The following CEP350 variants were observed in gnomAD, a reference collection of about 807,000 sequenced individuals.
CEP350 encodes the protein centrosome-associated protein 350.
Under a neutral mutation model 331.8 loss-of-function variants are expected in CEP350, and 126 were observed. The ratio of observed to expected loss-of-function variants is 0.38; its 90% confidence interval spans 0.33 to 0.44. CEP350 has a LOEUF of 0.44. Ranked by LOEUF, CEP350 falls within the 20% of genes least tolerant of loss-of-function variation. The pLI is 1.00. For synonymous variants in CEP350, 1,200 were observed against 1,259.5 expected, an observed-to-expected ratio of 0.95 and a Z score of 1.00; for missense variants, 3,406 against 3,634.6, an observed-to-expected ratio of 0.94 and a Z score of 1.62.
At chr1:180,097,530 C>A (rs1006735835) in intron 36 of CEP350, among the ~76,000 whole-genome samples, 3 of 152,060 alleles carry the variant, frequency 2.0e-5, no homozygotes, top group Non-Finnish European at 4.4e-5. Context: ...TAAATGTGTC[C>A]CTTCCCCTGT....
At chr1:179,985,763 G>GC (rs869075644) in intron 1 of CEP350, among the ~76,000 whole-genome samples, 1 of 97,246 alleles carries the variant, frequency 1.0e-5, no homozygotes, top group Non-Finnish European at 2.6e-5. Context: ...AGGGGAAACT[G>GC]CCCCCCTGAT....
chr1:180,055,782 G>A (rs1198668562), intron 25 of CEP350, among the ~76,000 whole-genome samples: 1 of 151,834 alleles, frequency 6.6e-6, no homozygotes, highest in South Asian at 2.1e-4. Context: ...TCCTGACCTC[G>A]CGATCCGCCA....
At chr1:180,042,971 T>C (rs1452963679) in intron 19 of CEP350, 85 bp from the exon 20 acceptor site, 1 of 1,444,102 alleles carries the variant, frequency 6.9e-7, no homozygotes, top group African/African-American at 1.4e-5. Flanking sequence ...TCAGTGATCT[T>C]TCTTTCCAAG....
chr1:180,040,680 G>A (rs917526005), intron 17 of CEP350, among the ~76,000 whole-genome samples: 1 of 151,662 alleles, frequency 6.6e-6, no homozygotes, highest in Admixed American at 6.6e-5. Flanking sequence ...AACATTGTGT[G>A]GGATAGTGGT....
Position 180,092,918 on chromosome 1 carries a change from T to G in CEP350, c.6813T>G (p.Ile2271Met). ...ATACAAAATTGAAGAAGAGTAAGAT[T>G]GAAGATGCCTTTTCTAAAGAAGGTA... ...IEYTKLKKSK[I>M]EDAFSKEGKS... Residue 2271 changes from isoleucine to methionine, a missense_variant, in exon 34 of 38, where the codon ATT (isoleucine) becomes ATG (methionine). Coordinates refer to ENST00000367607, the MANE Select transcript of CEP350 (RefSeq NM_014810.5). 3.2e-6 allele frequency: 5 copies of G among 1,579,282 alleles called. No homozygotes were observed. The highest frequency in any genetic ancestry group is 4.3e-6 in the Non-Finnish European group (5 of 1,160,670).
Position 180,093,681 on chromosome 1 carries a change from T to C in CEP350, c.7576T>C (p.Trp2526Arg). 6.2e-7 allele frequency: 1 copy of C among 1,613,936 alleles called. No homozygotes were observed. Among genetic ancestry groups the C allele is most frequent in the Non-Finnish European group, 8.5e-7 (1 of 1,179,838 alleles). Reference protein sequence around the residue: ...KGETSFAKGFWAGVELDKPEG... With the variant: ...KGETSFAKGFRAGVELDKPEG... Reference sequence around the variant, plus strand: ...TGAGACTAGTTTTGCTAAAGGATTTTGGGCCGGAGTGGAGTTAGATAAACC... The same window carrying C: ...TGAGACTAGTTTTGCTAAAGGATTTCGGGCCGGAGTGGAGTTAGATAAACC... Residue 2526 changes from tryptophan to arginine, a missense_variant, in exon 34 of 38, where the codon TGG (tryptophan) becomes CGG (arginine). Physicochemically the swap from Trp to Arg is moderately radical, Grantham distance 101. This residue lies in a region of CEP350 where 1,415 missense variants were observed against 1,512.3 expected (regional missense o/e 0.94). Transcript: ENST00000367607.
chr1:180,009,543 CT>C (rs890096143), intron 8 of CEP350, among the ~76,000 whole-genome samples: 24 of 151,072 alleles, frequency 1.6e-4, no homozygotes, highest in East Asian at 3.9e-4. Flanking sequence ...AGTGAAATTC[CT>C]TTTTTTTTAA....
At position 180,114,280 on chromosome 1, in the gene CEP350, A is replaced by G. The variant is rs1661581473; in HGVS notation, c.*3119A>G. 1 of 152,672 alleles carries G rather than the reference A, an allele frequency of 6.5e-6. No individual in the cohort carries two copies. Among genetic ancestry groups the G allele is most frequent in the Non-Finnish European group, 1.5e-5 (1 of 68,048 alleles). 9.5% of individuals were successfully genotyped at this position (152,672 alleles called of 1,614,324 possible). A position where few individuals can be genotyped will look rare whatever the true frequency, so the allele number is the denominator to read the frequency against. On this transcript the variant is annotated 3_prime_UTR_variant, in exon 38 of 38. Transcript: ENST00000367607. ...TTCTGTAGCACAGCATTAGAGACTC[A>G]TAACTTTTCTGCAAGAAATACAAAC...
Position 180,034,013 on chromosome 1 carries a change from A to G in CEP350, c.3877A>G (p.Asn1293Asp), listed in dbSNP as rs534672604. Residue 1293 changes from asparagine (N) to aspartate (D), a missense_variant, in exon 16 of 38, where the codon AAT becomes GAT. This residue lies in a region of CEP350 where 1,857 missense variants were observed against 1,909.2 expected (regional missense o/e 0.97). Transcript: ENST00000367607. ...MPPTITGFKP[N>D]APLTDLNPAA... ...TCCAACTATAACAGGATTTAAGCCT[A>G]ATGCACCTCTCACTGATCTGAACCC... 7.4e-6 allele frequency: 12 copies of G among 1,613,926 alleles called. No homozygotes were observed. In the East Asian group the frequency reaches 2.5e-4, roughly 33 times the overall value.
rs551280629 is a variant in CEP350, at chr1:180,055,284, G to A, written c.5262+782G>A. Among the ~76,000 whole-genome samples, 8 of 152,258 alleles carry A rather than the reference G, an allele frequency of 5.3e-5. No individual in the cohort carries two copies. The East Asian group carries it at 1.4e-3, about 26-fold the overall frequency. ...TCTCTGAGACTTAATTTCCTCATCT[G>A]TAGGAGTGGGATTATACTTCATATA... On this transcript the variant is annotated intron_variant, in intron 25 of 37. Transcript: ENST00000367607.
intron 16 of CEP350, 87 bp downstream of exon 16, chr1:180,034,169 C>G: frequency 7.3e-7 from 1 of 1,372,594 alleles, no homozygotes; most frequent in Non-Finnish European, 9.8e-7. Context: ...TGAGTTGAGT[C>G]ATAGAGAAAT....
chr1:180,045,953 C>G (rs60976015), intron 21 of CEP350, among the ~76,000 whole-genome samples: 5,411 of 152,300 alleles, frequency 0.036, 182 homozygotes, highest in African/African-American at 0.072. Context: ...GAACCATGCT[C>G]TCTGTCTTCT....
intron 36 of CEP350, among the ~76,000 whole-genome samples, chr1:180,097,481 G>A (rs1426752337): frequency 6.6e-6 from 1 of 152,172 alleles, no homozygotes; most frequent in East Asian, 1.9e-4. Flanking sequence ...TTCCGGGCAC[G>A]TTGGTACTTT....
chr1:180,024,704 C>A, intron 14 of CEP350, 122 bp downstream of exon 14: 1 of 1,117,284 alleles, frequency 9.0e-7, no homozygotes, highest in Non-Finnish European at 1.2e-6. Flanking sequence ...AATTAGCTTT[C>A]ATATTTATTT....
At chr1:180,057,485 G>T (rs567267093) in intron 25 of CEP350, among the ~76,000 whole-genome samples, 1 of 150,528 alleles carries the variant, frequency 6.6e-6, no homozygotes, top group Non-Finnish European at 1.5e-5. Flanking sequence ...ATGTGGCCAT[G>T]TGTGCCTCTA....
intron 8 of CEP350, among the ~76,000 whole-genome samples, chr1:180,008,090 A>G (rs1654384043): frequency 6.6e-6 from 1 of 152,104 alleles, no homozygotes; most frequent in Non-Finnish European, 1.5e-5. Flanking sequence ...TTTTCTATAC[A>G]AGGGGATTGT....
At chr1:180,090,065 G>C (rs1660078450) in intron 32 of CEP350, among the ~76,000 whole-genome samples, 1 of 152,164 alleles carries the variant, frequency 6.6e-6, no homozygotes, top group Non-Finnish European at 1.5e-5. Flanking sequence ...TGAGCAAATA[G>C]CTTTGAACAA....
chr1:180,081,280 C>T (rs2149086831), intron 30 of CEP350, among the ~76,000 whole-genome samples: 1 of 151,920 alleles, frequency 6.6e-6, no homozygotes, highest in South Asian at 2.1e-4. Flanking sequence ...TGTGTTGTAC[C>T]TTTTTGTTTT....
At chr1:180,044,594 G>A (rs990078982) in intron 21 of CEP350, among the ~76,000 whole-genome samples, 1 of 143,570 alleles carries the variant, frequency 7.0e-6, no homozygotes, top group East Asian at 2.1e-4. Flanking sequence ...ACCAAACACC[G>A]CATGTTCTCA....
Sources: allele counts gnomAD v4.1 joint callset (sites outside exome capture counted in the v4.1 genomes callset), GRCh38; gene constraint gnomAD v4.1.1; regional missense constraint gnomAD v4.1.1; transcripts MANE v1.5; gene names NCBI Gene and HGNC (gene_info 2026-07-23, HGNC 2026-07-21).